Variants in CAMTA2 observed in about 807,000 individuals in gnomAD.
CAMTA2 encodes calmodulin-binding transcription activator 2.
A neutral mutation model predicts 135.7 loss-of-function variants in CAMTA2; 56 were observed. The ratio of observed to expected loss-of-function variants is 0.41; its 90% CI spans 0.33 to 0.52. The LOEUF is 0.52. Ranked by LOEUF, CAMTA2 falls within the 20% of genes least tolerant of loss-of-function variation. The pLI, the probability that CAMTA2 is intolerant of heterozygous loss-of-function variation, is 0.16. For missense variants in CAMTA2, 1,358 were observed against 1,553.4 expected (o/e 0.87, Z 2.11); for synonymous variants, 591 against 604.6 (o/e 0.98, Z 0.33).
intron 3 of CAMTA2, among the ~76,000 whole-genome samples, chr17:4,984,529 C>T (rs981732591): frequency 7.9e-5 from 12 of 152,328 alleles, no homozygotes; most frequent in African/African-American, 2.9e-4. Context: ...CTGGACCTTC[C>T]TAAACGCTCT....
intron 12 of CAMTA2, chr17:4,974,165 A>C (rs935957000): frequency 8.9e-6 from 5 of 562,286 alleles, no homozygotes; most frequent in Non-Finnish European, 1.6e-5. Flanking sequence ...CCTTCTTCAG[A>C]CCAGAAATAG....
In CAMTA2 at chr17:4,970,630, A is replaced by G. The variant is rs1169107987; in HGVS notation, c.2809-94T>C. 2.6e-5 allele frequency: 27 copies of G among 1,035,678 alleles called. 1 individual carries two copies. Among genetic ancestry groups the G allele is most frequent in the Non-Finnish European group, 3.4e-5 (23 of 686,352 alleles). The allele number at this position is 1,035,678 out of a possible 1,614,324, so 64.2% of individuals were successfully genotyped here. A position where few individuals can be genotyped will look rare whatever the true frequency, so the allele number is the denominator to read the frequency against. ...CTATCTTGTTCCTTCTCTCCCTGCC[A>G]GGTGCTGCTAACCCTGTCTTTCTGG... On this transcript the variant is annotated intron_variant, in intron 16 of 22. Coordinates refer to ENST00000348066, the MANE Select transcript of CAMTA2 (RefSeq NM_015099.4).
At chr17:4,986,359 G>C (rs1230911163) in intron 1 of CAMTA2, 73 bp from the exon 2 acceptor site, 7 of 657,576 alleles carry the variant, frequency 1.1e-5, no homozygotes, top group African/African-American at 1.8e-5. Context: ...GAGGTAGGGA[G>C]TGGGTATAGA....
Position 4,973,730 on chromosome 17 carries a change from C to T in CAMTA2, c.2056G>A (p.Val686Ile). Residue 686 changes from valine (V) to isoleucine (I), a missense_variant, in exon 13 of 23, where the codon GTC becomes ATC. This residue lies in a region of CAMTA2 where 1,077 missense variants were observed against 1,127.5 expected (regional missense o/e 0.96). Coordinates refer to ENST00000348066, the MANE Select transcript of CAMTA2 (RefSeq NM_015099.4). ...QGPGFEARVV[V>I]LVESMIPRST... ...CGTGGGATCATGCTTTCTACCAAGA[C>T]CACTACCCGTGCTTCGAACCCAGGC... 1.2e-6 allele frequency: 2 copies of T among 1,613,430 alleles called. No individual in the cohort carries two copies. Among genetic ancestry groups the T allele is most frequent in the South Asian group, 1.1e-5 (1 of 91,058 alleles).
chr17:4,968,554 C>T lies in CAMTA2; in HGVS notation c.*202G>A. 2 of 618,512 alleles carry T rather than the reference C, an allele frequency of 3.2e-6. No homozygotes were observed. The highest frequency in any genetic ancestry group is 1.9e-5 in the South Asian group (1 of 51,858). The allele number at this position is 618,512 out of a possible 1,614,324, so 38.3% of individuals were successfully genotyped here. On this transcript the variant is annotated 3_prime_UTR_variant, in exon 23 of 23. Transcript: ENST00000348066. ...GGCGCGGGTTTTCTGGAGCCAGGAC[C>T]AAAAGAGACGGGGCACGACCAGGAG...
chr17:4,977,543 G>A (rs568249005), intron 10 of CAMTA2, among the ~76,000 whole-genome samples: 2 of 152,216 alleles, frequency 1.3e-5, no homozygotes, highest in Non-Finnish European at 2.9e-5. Context: ...TTATGACCCT[G>A]TTACTGAGAT....
chr17:4,979,631 G>A (rs1164038906), intron 9 of CAMTA2, 53 bp downstream of exon 9: 2 of 1,304,524 alleles, frequency 1.5e-6, no homozygotes, highest in South Asian at 1.3e-5. Context: ...TTTGTTTTGG[G>A]GAGTCAGAAG....
intron 1 of CAMTA2, chr17:4,986,706 T>C: frequency 1.8e-6 from 1 of 549,638 alleles, no homozygotes; most frequent in South Asian, 2.2e-5. Flanking sequence ...CTACCTCCGG[T>C]AGAAGCTAGG....
Position 4,985,887 on chromosome 17 carries a change from G to A in CAMTA2, c.128C>T (p.Thr43Ile). 6.2e-7 allele frequency: 1 copy of A among 1,612,048 alleles called. No homozygotes were observed. Among genetic ancestry groups the A allele is most frequent in the East Asian group, 2.2e-5 (1 of 44,866 alleles). ...CCAGCCTCCCTAGAAAACCTCATTT[G>A]TATTCCACCGTAGCCTCTCTGGAGG... The part of the protein sequence containing the change: ...LLPPERLRWN[T>I]NEEIASYLIT... Residue 43 changes from threonine to isoleucine, a missense_variant, in exon 3 of 23, where the codon ACA becomes ATA. This residue lies in a region of CAMTA2 where 105 missense variants were observed against 190.9 expected (regional missense o/e 0.55). Coordinates refer to ENST00000348066, the MANE Select transcript of CAMTA2 (RefSeq NM_015099.4).
At chr17:4,983,264 A>C in intron 3 of CAMTA2, 1 of 513,848 alleles carries the variant, frequency 1.9e-6, no homozygotes, top group East Asian at 3.4e-5. Flanking sequence ...TTTACTCTCC[A>C]AAAATCTCAT....
chr17:4,985,859 C>T (rs774757952), intron 3 of CAMTA2, 21 bp downstream of exon 3: 4 of 1,558,814 alleles, frequency 2.6e-6, no homozygotes, highest in East Asian at 2.2e-5. Flanking sequence ...TGGGCCCCAA[C>T]CCCCAGCCTC....
At chr17:4,977,806 G>C (rs765031568) in intron 10 of CAMTA2, among the ~76,000 whole-genome samples, 10 of 152,226 alleles carry the variant, frequency 6.6e-5, no homozygotes, top group African/African-American at 2.4e-4. Flanking sequence ...TGATTTTTGA[G>C]TGTAGGGTAA....
At position 4,987,649 on chromosome 17, in the gene CAMTA2, C is replaced by CG; in HGVS notation, c.-122_-121insC. On this transcript the variant is annotated 5_prime_UTR_variant, in exon 1 of 23. Coordinates refer to ENST00000348066, the MANE Select transcript of CAMTA2 (RefSeq NM_015099.4). ...GGCCATTCTACCCCACACCGACCCC[C>CG]CCCAGCGCCGGCTGACAGCGGCGTC... is the stretch of plus-strand genomic sequence containing the variant. 1 of 1,522,310 alleles carries CG rather than the reference C, an allele frequency of 6.6e-7. No individual in the cohort carries two copies. Among genetic ancestry groups the CG allele is most frequent in the South Asian group, 1.2e-5 (1 of 82,508 alleles). The allele number at this position is 1,522,310 out of a possible 1,614,324, so 94.3% of individuals were successfully genotyped here.
intron 2 of CAMTA2, 75 bp downstream of exon 2, chr17:4,986,117 A>G: frequency 8.9e-7 from 1 of 1,128,688 alleles, no homozygotes; most frequent in South Asian, 1.2e-5. Context: ...AGAAAATCCA[A>G]GAATTAGAGG....
intron 3 of CAMTA2, among the ~76,000 whole-genome samples, chr17:4,983,983 C>A (rs554532767): frequency 9.0e-4 from 137 of 152,114 alleles, no homozygotes; most frequent in Non-Finnish European, 1.5e-3. Context: ...CAGAGTCTCG[C>A]TCTGTCACCC....
chr17:4,986,367 A>G, intron 1 of CAMTA2, 81 bp from the exon 2 acceptor site: 1 of 633,196 alleles, frequency 1.6e-6, no homozygotes, highest in South Asian at 1.9e-5. Flanking sequence ...GAGTGGGTAT[A>G]GAACTGGGTC....
chr17:4,978,496 C>T lies in CAMTA2; in HGVS notation c.1765+8G>A. 1 of 1,613,588 alleles carries T rather than the reference C, an allele frequency of 6.2e-7. No individual in the cohort carries two copies. Among genetic ancestry groups the T allele is most frequent in the Non-Finnish European group, 8.5e-7 (1 of 1,179,596 alleles). ...AGTCCCTCCCCCTACGGTTCCCAAT[C>T]CTCATACCGGGACAGTAGCAGCGTA... On this transcript the variant is annotated splice_region_variant and intron_variant, in intron 10 of 22. Transcript: ENST00000348066.
intron 3 of CAMTA2, among the ~76,000 whole-genome samples, chr17:4,985,536 G>A (rs1023288740): frequency 1.3e-5 from 2 of 152,114 alleles, no homozygotes; most frequent in African/African-American, 4.8e-5. Flanking sequence ...TAATTCTCCC[G>A]CCTCAGCCTC....
rs1168039191 is a variant in CAMTA2 at position 4,981,291 on chromosome 17, TCTG to T, written c.631_633del (p.Gln211del). Reference sequence around the variant, plus strand: ...GGCTTGGTTGGGTGGGTGTCCAAAATCTGCTGCACCAGGTGTTCTACAGAGAAC... The same window carrying T: ...GGCTTGGTTGGGTGGGTGTCCAAAATCTGCACCAGGTGTTCTACAGAGAAC... On this transcript the variant is annotated inframe_deletion, in exon 8 of 23. Transcript: ENST00000348066. 1.2e-6 allele frequency: 2 copies of T among 1,613,994 alleles called. No homozygotes were observed. The highest frequency in any genetic ancestry group is 1.7e-6 in the Non-Finnish European group (2 of 1,179,992).
Sources: gnomAD v4.1 joint callset for allele counts (sites outside exome capture counted in the v4.1 genomes callset) on GRCh38, gnomAD v4.1.1 for gene constraint, gnomAD v4.1.1 regional missense constraint, MANE v1.5 for transcripts, NCBI Gene and HGNC (gene_info 2026-07-23, HGNC 2026-07-21) for gene names.